The following TSKS variants were observed in gnomAD, a reference collection of about 807,000 sequenced individuals.
TSKS encodes testis specific serine kinase substrate.
Under a neutral mutation model 68.0 loss-of-function variants are expected in TSKS, and 27 were observed. That is an observed-to-expected ratio of 0.40 (90% CI 0.29 to 0.55). The LOEUF (loss-of-function observed/expected upper bound fraction) is 0.55, where lower values mean the gene tolerates loss of function less well. TSKS is among the 20% of genes least tolerant of loss of function. The pLI is 0.53. For synonymous variants in TSKS, 331 were observed against 340.4 expected (o/e 0.97, Z 0.30); for missense variants, 806 against 776.0 (o/e 1.04, Z -0.46).
In TSKS at chr19:49,745,309, G is replaced by T. The variant is rs910250789; in HGVS notation, c.1080C>A (p.Gly360=). The change falls in exon 7 of 11, where the codon GGC becomes GGA. Residue 360 remains glycine (G), a synonymous_variant. Transcript: ENST00000246801. ...ACTGGCCTAGGAAGCCGTCGACCCTGCCGCCCAGGCCCCCGAGCAGCCGCA... is the reference window on the plus strand; with the variant it reads ...ACTGGCCTAGGAAGCCGTCGACCCTTCCGCCCAGGCCCCCGAGCAGCCGCA... ...EALRLLGGLG[G]RVDGFLGQWE... 1 of 1,604,270 alleles carries T rather than the reference G, an allele frequency of 6.2e-7. No homozygotes were observed. The highest frequency in any genetic ancestry group is 8.5e-7 in the Non-Finnish European group (1 of 1,179,250).
intron 2 of TSKS, among the ~76,000 whole-genome samples, chr19:49,754,971 C>T (rs1328216977): frequency 1.3e-5 from 2 of 152,078 alleles, no homozygotes; most frequent in African/African-American, 2.4e-5. Context: ...GGGGTGTGCA[C>T]CTGTAGAGCC....
chr19:49,743,063 T>C (rs1012206335), intron 8 of TSKS, among the ~76,000 whole-genome samples: 8 of 151,868 alleles, frequency 5.3e-5, no homozygotes, highest in Non-Finnish European at 1.2e-4. Context: ...ACTGGAAATA[T>C]GATGCTTAAA....
chr19:49,745,184 A>G lies in TSKS; in HGVS notation c.1187+18T>C, dbSNP rs540876579. ...CCTGCCCCTTCCGGTCTTCCCATGC[A>G]CTGGCCCCAATCCTCACATGGTGCA... On this transcript the variant is annotated intron_variant, in intron 7 of 10. Coordinates refer to ENST00000246801, the MANE Select transcript of TSKS (RefSeq NM_021733.2). 3.2e-6 allele frequency: 5 copies of G among 1,559,738 alleles called. No homozygotes were observed. The highest frequency in any genetic ancestry group is 2.3e-5 in the South Asian group (2 of 86,034).
chr19:49,748,234 T>C, intron 3 of TSKS, 66 bp from the exon 4 acceptor site: 1 of 1,590,750 alleles, frequency 6.3e-7, no homozygotes, highest in Admixed American at 1.7e-5. Context: ...AAAGAAGATC[T>C]GGGCCTGGGA....
intron 2 of TSKS, among the ~76,000 whole-genome samples, chr19:49,754,426 G>A (rs879768056): frequency 1.3e-5 from 2 of 151,734 alleles, no homozygotes; most frequent in Admixed American, 6.6e-5. Flanking sequence ...TTGAACCTGG[G>A]AGTCAGAGGT....
chr19:49,740,788 A>T (rs1014719128), intron 9 of TSKS, among the ~76,000 whole-genome samples: 1 of 152,052 alleles, frequency 6.6e-6, no homozygotes, highest in African/African-American at 2.4e-5. Context: ...GGAGGCTGAG[A>T]CACGAGAATC....
rs924375981 is a variant in TSKS, at chr19:49,741,879, T to C, written c.1497+6A>G. ...GTGGGACATGGTGGCCCATATTCCC[T>C]GGTACCAGAATCTTCTTGTGTAGCC... On this transcript the variant is annotated splice_donor_region_variant and intron_variant, in intron 9 of 10. Coordinates refer to ENST00000246801, the MANE Select transcript of TSKS (RefSeq NM_021733.2). 4 of 1,614,148 alleles carry C rather than the reference T, an allele frequency of 2.5e-6. No homozygotes were observed. The highest frequency in any genetic ancestry group is 2.5e-6 in the Non-Finnish European group (3 of 1,180,028).
rs547108312 is a variant in TSKS at position 49,750,765 on chromosome 19, G to T, written c.400-2296C>A. ...CTGTCTAGAAATGGCTGAGCAACCA[G>T]AACGTAGACACCTGTAACCTGCTGC... is the stretch of plus-strand genomic sequence containing the variant. On this transcript the variant is annotated intron_variant, in intron 2 of 10. Transcript: ENST00000246801. Among the ~76,000 whole-genome samples the T allele has an allele frequency of 4.3e-4, 66 of 152,294 alleles. 1 individual carries two copies. Among genetic ancestry groups the T allele is most frequent in the Admixed American group, 7.2e-4 (11 of 15,286 alleles).
intron 7 of TSKS, 104 bp from the exon 8 acceptor site, chr19:49,744,508 G>T: frequency 8.3e-7 from 1 of 1,204,742 alleles, no homozygotes; most frequent in Non-Finnish European, 1.2e-6. Flanking sequence ...CATCTGGTCA[G>T]CAATTCTCCA....
intron 2 of TSKS, among the ~76,000 whole-genome samples, chr19:49,750,248 A>G (rs1600193716): frequency 6.7e-6 from 1 of 148,524 alleles, no homozygotes; most frequent in South Asian, 2.1e-4. Context: ...TATAACTTCA[A>G]TATCATTGAC....
intron 9 of TSKS, among the ~76,000 whole-genome samples, chr19:49,741,131 T>C (rs181927823): frequency 5.8e-4 from 88 of 152,162 alleles, no homozygotes; most frequent in Admixed American, 4.6e-3. Flanking sequence ...TGAGCCGAGA[T>C]TGCGCCACTG....
intron 2 of TSKS, among the ~76,000 whole-genome samples, chr19:49,757,106 GACT>G (rs2084398449): frequency 6.6e-6 from 1 of 152,188 alleles, no homozygotes; most frequent in Non-Finnish European, 1.5e-5. Context: ...TGAGGTAAGA[GACT>G]ACTTCATAAG....
At chr19:49,756,947 C>G (rs1479093284) in intron 2 of TSKS, among the ~76,000 whole-genome samples, 1 of 152,190 alleles carries the variant, frequency 6.6e-6, no homozygotes, top group African/African-American at 2.4e-5. Flanking sequence ...GTAATGCCAG[C>G]TACTCAGGAG....
chr19:49,741,881 G>A lies in TSKS; in HGVS notation c.1497+4C>T. ...GGGACATGGTGGCCCATATTCCCTG[G>A]TACCAGAATCTTCTTGTGTAGCCTC... On this transcript the variant is annotated splice_donor_region_variant and intron_variant, in intron 9 of 10. Coordinates refer to ENST00000246801, the MANE Select transcript of TSKS (RefSeq NM_021733.2). The A allele has an allele frequency of 6.2e-7, 1 of 1,614,092 alleles. No homozygotes were observed. The highest frequency in any genetic ancestry group is 8.5e-7 in the Non-Finnish European group (1 of 1,180,038).
intron 2 of TSKS, among the ~76,000 whole-genome samples, chr19:49,749,751 T>C (rs2084333572): frequency 6.6e-6 from 1 of 151,990 alleles, no homozygotes; most frequent in South Asian, 2.1e-4. Context: ...GCTAAGAGTA[T>C]AGGTGCTTGC....
At chr19:49,743,085 GT>G (rs768515300) in intron 8 of TSKS, among the ~76,000 whole-genome samples, 130 of 143,026 alleles carry the variant, frequency 9.1e-4, no homozygotes, top group Non-Finnish European at 6.3e-4. Flanking sequence ...TGTACTAAGT[GT>G]TTTTTTTTTT....
intron 2 of TSKS, among the ~76,000 whole-genome samples, chr19:49,749,934 ATTTT>A (rs888860672): frequency 2.8e-5 from 4 of 144,452 alleles, no homozygotes; most frequent in African/African-American, 1.0e-4. Context: ...TCTTTTATTT[ATTTT>A]TTTTTTTAGC....
At chr19:49,741,769 C>T (rs1412203855) in intron 9 of TSKS, 116 bp downstream of exon 9, 2 of 1,443,834 alleles carry the variant, frequency 1.4e-6, no homozygotes, top group Non-Finnish European at 1.9e-6. Flanking sequence ...CTGCTGCTCC[C>T]AGCTCAGCCC....
chr19:49,743,229 C>A (rs2084266836), intron 8 of TSKS, among the ~76,000 whole-genome samples: 1 of 151,812 alleles, frequency 6.6e-6, no homozygotes, highest in Admixed American at 6.6e-5. Context: ...CAGGTGCTCA[C>A]CACCACACCC....
Sources: allele counts gnomAD v4.1 joint callset (sites outside exome capture counted in the v4.1 genomes callset), GRCh38; gene constraint gnomAD v4.1.1; transcripts MANE v1.5; gene names NCBI Gene and HGNC (gene_info 2026-07-23, HGNC 2026-07-21).